Variants in C12orf56 observed in about 807,000 individuals in gnomAD.
The protein encoded by C12orf56 is chromosome 12 open reading frame 56, also known as uncharacterized protein C12orf56.
C12orf56 carries 71 observed loss-of-function variants against 69.9 expected under a neutral mutation model. The ratio of observed to expected loss-of-function variants is 1.02; its 90% CI spans 0.84 to 1.24. The LOEUF is 1.24. Ranked by LOEUF, C12orf56 falls within the 50% of genes most tolerant of loss-of-function variation. The probability of loss-of-function intolerance (pLI) is 0.00; values close to 1 mark genes in which losing one functional copy is unlikely to be tolerated. For missense variants in C12orf56, 732 were observed against 738.5 expected (o/e 0.99, Z 0.10); for synonymous variants, 276 against 274.1 (o/e 1.01, Z -0.07).
intron 4 of C12orf56, among the ~76,000 whole-genome samples, chr12:64,314,937 C>CTTTT (rs534106623): frequency 2.2e-5 from 1 of 44,596 alleles, no homozygotes; most frequent in African/African-American, 9.6e-5. Flanking sequence ...ATCCGGCCAG[C>CTTTT]TTTTTTTTTT....
chr12:64,386,778 G>A (rs951079375), intron 1 of C12orf56, among the ~76,000 whole-genome samples: 3 of 151,346 alleles, frequency 2.0e-5, no homozygotes, highest in African/African-American at 2.4e-5. Flanking sequence ...TGATCTGCCC[G>A]CCTGGGCCTC....
intron 1 of C12orf56, among the ~76,000 whole-genome samples, chr12:64,376,034 C>A (rs562698146): frequency 6.6e-6 from 1 of 150,948 alleles, no homozygotes; most frequent in South Asian, 2.1e-4. Context: ...CCCATTACAT[C>A]TGAGAATTAT....
intron 1 of C12orf56, among the ~76,000 whole-genome samples, chr12:64,379,361 T>C (rs2039681515): frequency 1.3e-5 from 2 of 151,656 alleles, no homozygotes; most frequent in East Asian, 3.9e-4. Flanking sequence ...CTCTGCTCAC[T>C]GCAAGCTCCG....
chr12:64,282,128 G>A (rs1212365296), intron 8 of C12orf56, among the ~76,000 whole-genome samples: 1 of 152,208 alleles, frequency 6.6e-6, no homozygotes, highest in African/African-American at 2.4e-5. Context: ...GGCCAAGGCG[G>A]GAAGATCACT....
At chr12:64,364,885 T>A (rs979339403) in intron 1 of C12orf56, among the ~76,000 whole-genome samples, 1 of 152,064 alleles carries the variant, frequency 6.6e-6, no homozygotes, top group Non-Finnish European at 1.5e-5. Flanking sequence ...CTTTGGGCAC[T>A]GCATGGCTTT....
At chr12:64,386,950 G>C (rs1235012140) in intron 1 of C12orf56, among the ~76,000 whole-genome samples, 1 of 151,142 alleles carries the variant, frequency 6.6e-6, no homozygotes, top group Non-Finnish European at 1.5e-5. Context: ...ATGGTGGTGC[G>C]TGCCTGTAGT....
At chr12:64,380,894 A>G (rs1429032826) in intron 1 of C12orf56, among the ~76,000 whole-genome samples, 1 of 152,162 alleles carries the variant, frequency 6.6e-6, no homozygotes, top group Non-Finnish European at 1.5e-5. Context: ...GAGATTTTGA[A>G]TCAGAAGCAT....
chr12:64,356,269 T>A (rs888312688), intron 1 of C12orf56, among the ~76,000 whole-genome samples: 12 of 151,784 alleles, frequency 7.9e-5, no homozygotes, highest in Admixed American at 7.9e-4. Flanking sequence ...ATGAATGTGC[T>A]CATTTACAAA....
At chr12:64,349,023 C>T (rs2039185971) in intron 2 of C12orf56, among the ~76,000 whole-genome samples, 1 of 152,156 alleles carries the variant, frequency 6.6e-6, no homozygotes, top group African/African-American at 2.4e-5. Context: ...GACAGAGTCT[C>T]ACTCTGCTGC....
intron 2 of C12orf56, among the ~76,000 whole-genome samples, chr12:64,344,737 G>C (rs2039118148): frequency 6.6e-6 from 1 of 152,106 alleles, no homozygotes; most frequent in South Asian, 2.1e-4. Context: ...TTGGTCAAGG[G>C]TATATCTTCT....
intron 2 of C12orf56, among the ~76,000 whole-genome samples, chr12:64,334,471 A>T (rs2038968268): frequency 6.6e-6 from 1 of 152,196 alleles, no homozygotes; most frequent in Non-Finnish European, 1.5e-5. Flanking sequence ...TTTTCATACA[A>T]CCTATGCATA....
intron 1 of C12orf56, among the ~76,000 whole-genome samples, chr12:64,367,483 T>C (rs936779944): frequency 6.6e-6 from 1 of 150,918 alleles, no homozygotes; most frequent in Non-Finnish European, 1.5e-5. Flanking sequence ...CTATTCTCAC[T>C]ATGAGACAAC....
chr12:64,356,188 A>AC lies in C12orf56; in HGVS notation c.253-3133_253-3132insG, dbSNP rs1359101890. Reference sequence around the variant, plus strand: ...TCCATCTCAAAAAAAAAAAAAAAAAAAAAAAAAAAAACCATACATTTAAGC... The same window carrying AC: ...TCCATCTCAAAAAAAAAAAAAAAAAACAAAAAAAAAAACCATACATTTAAGC... On this transcript the variant is annotated intron_variant, in intron 1 of 12. Coordinates refer to ENST00000543942, the MANE Select transcript of C12orf56 (RefSeq NM_001170633.2). Among the ~76,000 whole-genome samples, 152 of 151,742 alleles carry AC rather than the reference A, an allele frequency of 1.0e-3. 1 individual carries two copies. The highest frequency in any genetic ancestry group is 3.6e-3 in the African/African-American group (149 of 41,224).
chr12:64,273,850 A>T (rs2038019192), intron 11 of C12orf56, among the ~76,000 whole-genome samples: 1 of 152,202 alleles, frequency 6.6e-6, no homozygotes, highest in Admixed American at 6.5e-5. Context: ...TAGCCAAAGC[A>T]GCCACAGAGA....
At chr12:64,316,114 A>T (rs1565752685) in intron 4 of C12orf56, among the ~76,000 whole-genome samples, 2 of 151,346 alleles carry the variant, frequency 1.3e-5, no homozygotes, top group East Asian at 2.0e-4. Flanking sequence ...TATTTTATAT[A>T]TTTTTTTTCA....
intron 3 of C12orf56, among the ~76,000 whole-genome samples, chr12:64,328,679 CA>C (rs59688148): frequency 1.7e-5 from 1 of 57,920 alleles, no homozygotes; most frequent in African/African-American, 6.1e-5. Context: ...GACTCCATCT[CA>C]AAAAAAAAAA....
In C12orf56 at chr12:64,349,156, G is replaced by A. The variant is rs952787725; in HGVS notation, c.415+3738C>T. ...AGGACTAATATCCAGAATCTACTAC[G>A]AACTCAAATGAATTAGCAAGAATAA... On this transcript the variant is annotated intron_variant, in intron 2 of 12. Transcript: ENST00000543942. Among the ~76,000 whole-genome samples the A allele has an allele frequency of 5.9e-5, 9 of 152,028 alleles. 1 individual carries two copies. The highest frequency in any genetic ancestry group is 4.1e-4 in the South Asian group (2 of 4,826).
chr12:64,341,563 A>G (rs1449462366), intron 2 of C12orf56, among the ~76,000 whole-genome samples: 3 of 152,184 alleles, frequency 2.0e-5, no homozygotes, highest in Admixed American at 6.5e-5. Flanking sequence ...CTTTAGCCGT[A>G]AAGTGAGTGC....
Position 64,330,973 on chromosome 12 carries a change from C to T in C12orf56, c.475G>A (p.Glu159Lys), listed in dbSNP as rs866684189. ...CAACAATCTCACCTGAGAGGAGATT[C>T]TTTCAGACTTCTGGACTCTTTGCTT... Reference protein sequence around the residue: ...WRSKESRSLKESPLRDQQESS... With the variant: ...WRSKESRSLKKSPLRDQQESS... Residue 159 changes from glutamate to lysine, a missense_variant, in exon 3 of 13, where the codon GAA (glutamate) becomes AAA (lysine). By Grantham distance (56) the Glu-to-Lys change is moderately conservative. Transcript: ENST00000543942. 1.3e-6 allele frequency: 2 copies of T among 1,555,230 alleles called. No homozygotes were observed. Among genetic ancestry groups the T allele is most frequent in the Admixed American group, 1.9e-5 (1 of 51,474 alleles).
Sources: allele counts gnomAD v4.1 joint callset (sites outside exome capture counted in the v4.1 genomes callset), GRCh38; gene constraint gnomAD v4.1.1; transcripts MANE v1.5; gene names NCBI Gene and HGNC (gene_info 2026-07-23, HGNC 2026-07-21).